Variants in MAML2 observed in about 807,000 individuals in gnomAD.
MAML2 encodes mastermind-like protein 2.
MAML2 carries 22 observed loss-of-function variants against 96.1 expected under a neutral mutation model. The observed-to-expected ratio is 0.23, with a 90% CI of 0.16 to 0.33. MAML2 has a LOEUF of 0.33. Among genes scored for constraint, MAML2 ranks in the 10% least tolerant of loss-of-function variants. The probability of loss-of-function intolerance (pLI) is 1.00; values close to 1 mark genes in which losing one functional copy is unlikely to be tolerated. For missense variants in MAML2, 1,367 were observed against 1,392.4 expected (o/e 0.98, Z 0.29); for synonymous variants, 561 against 521.3 (o/e 1.08, Z -1.04).
chr11:96,337,416 C>T (rs1227398241), intron 1 of MAML2, among the ~76,000 whole-genome samples: 1 of 152,218 alleles, frequency 6.6e-6, no homozygotes, highest in Non-Finnish European at 1.5e-5. Flanking sequence ...TAACAATTAA[C>T]ATTTTAGACA....
intron 1 of MAML2, among the ~76,000 whole-genome samples, chr11:96,298,571 G>T (rs1434999249): frequency 1.3e-5 from 2 of 149,276 alleles, no homozygotes; most frequent in East Asian, 3.9e-4. Context: ...TTATATAAGA[G>T]AAGATAACCA....
chr11:96,049,305 G>C (rs1168164839), intron 2 of MAML2, among the ~76,000 whole-genome samples: 1 of 152,064 alleles, frequency 6.6e-6, no homozygotes, highest in Non-Finnish European at 1.5e-5. Flanking sequence ...ATATAAAGTA[G>C]AGAAATTTAC....
At chr11:96,021,589 T>C (rs1338953850) in intron 2 of MAML2, among the ~76,000 whole-genome samples, 3 of 152,188 alleles carry the variant, frequency 2.0e-5, no homozygotes, top group Non-Finnish European at 4.4e-5. Context: ...AAGAATTTAT[T>C]TGTTAATGCT....
rs556422583 is a variant in MAML2 at position 96,122,305 on chromosome 11, T to A, written c.514-28788A>T. 2.0e-5 allele frequency among the ~76,000 whole-genome samples: 3 copies of A among 147,720 alleles called. No homozygotes were observed. In the East Asian group the frequency reaches 5.9e-4, roughly 29 times the overall value. On this transcript the variant is annotated intron_variant, in intron 1 of 4. Coordinates refer to ENST00000524717, the MANE Select transcript of MAML2 (RefSeq NM_032427.4). ...CTAAAGGGGTGGAAAACCTGCAGAT[T>A]TTTTTTTTTTCCTCTAGGGTGATTC...
In MAML2 at chr11:96,342,079, G is replaced by T; in HGVS notation, c.-184C>A. 3 of 588,522 alleles carry T rather than the reference G, an allele frequency of 5.1e-6. No individual in the cohort carries two copies. The highest frequency in any genetic ancestry group is 4.8e-5 in the South Asian group (2 of 41,456). 36.5% of individuals were successfully genotyped at this position (588,522 alleles called of 1,614,324 possible). A position where few individuals can be genotyped will look rare whatever the true frequency, so the allele number is the denominator to read the frequency against. The stretch of plus-strand genomic sequence containing the variant: ...TGGGGGAGGGGAGTTAGTAAAAAGA[G>T]GGTGGGGAGAAAGAATAGAAACCAA... On this transcript the variant is annotated 5_prime_UTR_variant, in exon 1 of 5. Coordinates refer to ENST00000524717, the MANE Select transcript of MAML2 (RefSeq NM_032427.4).
chr11:96,180,222 C>G (rs1861460790), intron 1 of MAML2, among the ~76,000 whole-genome samples: 1 of 152,128 alleles, frequency 6.6e-6, no homozygotes, highest in East Asian at 1.9e-4. Context: ...CACAGCAATA[C>G]CTCCATTTCA....
At chr11:96,091,206 C>G (rs968995348) in intron 2 of MAML2, among the ~76,000 whole-genome samples, 1 of 152,130 alleles carries the variant, frequency 6.6e-6, no homozygotes, top group Non-Finnish European at 1.5e-5. Context: ...TAACATTTAA[C>G]TCAGACTTTG....
intron 1 of MAML2, among the ~76,000 whole-genome samples, chr11:96,325,564 T>C (rs1396107898): frequency 1.3e-5 from 2 of 152,232 alleles, no homozygotes; most frequent in Admixed American, 6.5e-5. Flanking sequence ...ATTATTATTA[T>C]GACCATTACA....
intron 1 of MAML2, among the ~76,000 whole-genome samples, chr11:96,134,730 C>T (rs1315360623): frequency 6.6e-6 from 1 of 152,204 alleles, no homozygotes; most frequent in African/African-American, 2.4e-5. Context: ...CTAATCCAGC[C>T]AGTATTGCTT....
intron 1 of MAML2, among the ~76,000 whole-genome samples, chr11:96,311,327 G>C (rs11827499): frequency 6.6e-6 from 1 of 152,204 alleles, no homozygotes; most frequent in Non-Finnish European, 1.5e-5. Context: ...ACTCACTTTA[G>C]TTCTTTTGTA....
chr11:96,006,395 A>G (rs1858178011), intron 2 of MAML2, among the ~76,000 whole-genome samples: 1 of 152,190 alleles, frequency 6.6e-6, no homozygotes. Context: ...AAGACTGAGG[A>G]AAGTCAACTT....
At chr11:96,223,193 A>G (rs1862164571) in intron 1 of MAML2, among the ~76,000 whole-genome samples, 2 of 152,206 alleles carry the variant, frequency 1.3e-5, no homozygotes, top group South Asian at 4.1e-4. Flanking sequence ...CAGAAATGAA[A>G]GCAAAAATAA....
At chr11:96,148,954 C>A (rs2135874931) in intron 1 of MAML2, among the ~76,000 whole-genome samples, 1 of 152,292 alleles carries the variant, frequency 6.6e-6, no homozygotes, top group East Asian at 1.9e-4. Context: ...ATTTCTGAAT[C>A]CTGACCTCAC....
intron 1 of MAML2, among the ~76,000 whole-genome samples, chr11:96,340,126 C>T (rs1330036840): frequency 6.6e-6 from 1 of 152,150 alleles, no homozygotes; most frequent in Admixed American, 6.5e-5. Flanking sequence ...CACCATGGAC[C>T]CAGGCCAGGG....
chr11:96,230,888 T>C (rs1862284277), intron 1 of MAML2, among the ~76,000 whole-genome samples: 1 of 152,258 alleles, frequency 6.6e-6, no homozygotes, highest in Non-Finnish European at 1.5e-5. Context: ...CACTTCTGCA[T>C]TTCCTTCCTT....
At chr11:96,218,361 G>T (rs1862079930) in intron 1 of MAML2, among the ~76,000 whole-genome samples, 1 of 152,072 alleles carries the variant, frequency 6.6e-6, no homozygotes, top group South Asian at 2.1e-4. Flanking sequence ...TCTTTAATAG[G>T]GGCACTACTT....
rs1590993009 is a variant in MAML2, at chr11:96,070,017, T to C, written c.2139+21875A>G. On this transcript the variant is annotated intron_variant, in intron 2 of 4. Coordinates refer to ENST00000524717, the MANE Select transcript of MAML2 (RefSeq NM_032427.4). Reference sequence around the variant, plus strand: ...CCAGCCTGGTGACAGAGTGAGACTCTGTCTCAAAAATAAATAAATAAATAA... The same window carrying C: ...CCAGCCTGGTGACAGAGTGAGACTCCGTCTCAAAAATAAATAAATAAATAA... 2.0e-5 allele frequency among the ~76,000 whole-genome samples: 3 copies of C among 147,486 alleles called. No homozygotes were observed. In the South Asian group the frequency reaches 6.5e-4, roughly 32 times the overall value.
intron 1 of MAML2, among the ~76,000 whole-genome samples, chr11:96,103,471 A>G (rs533096164): frequency 6.6e-6 from 1 of 152,282 alleles, no homozygotes; most frequent in Admixed American, 6.5e-5. Flanking sequence ...CAAATCCCAT[A>G]TGGCAGGGAG....
At chr11:96,154,282 G>T (rs758894831) in intron 1 of MAML2, among the ~76,000 whole-genome samples, 18 of 152,096 alleles carry the variant, frequency 1.2e-4, no homozygotes, top group Non-Finnish European at 2.2e-4. Flanking sequence ...CTACTCTGGG[G>T]ACAAAACTTT....
Sources: gnomAD v4.1 joint callset for allele counts (sites outside exome capture counted in the v4.1 genomes callset) on GRCh38, gnomAD v4.1.1 for gene constraint, MANE v1.5 for transcripts, NCBI Gene and HGNC (gene_info 2026-07-23, HGNC 2026-07-21) for gene names.